The following SLC11A2 variants were observed in gnomAD, a reference collection of about 807,000 sequenced individuals.
The protein encoded by SLC11A2 is solute carrier family 11 member 2, also known as natural resistance-associated macrophage protein 2.
SLC11A2 carries 38 observed loss-of-function variants against 68.0 expected under a neutral mutation model. The ratio of observed to expected loss-of-function variants is 0.56; its 90% CI spans 0.43 to 0.73. The LOEUF (loss-of-function observed/expected upper bound fraction) is 0.73. SLC11A2 is among the 30% of genes least tolerant of loss of function. The probability of loss-of-function intolerance (pLI) is 0.00; values close to 1 mark genes in which losing one functional copy is unlikely to be tolerated. For synonymous variants in SLC11A2, 242 were observed against 250.6 expected, an observed-to-expected ratio of 0.97 and a Z score of 0.32; for missense variants, 517 against 690.5, an observed-to-expected ratio of 0.75 and a Z score of 2.82.
the SLC11A2 span, chr12:50,960,926 T>G: frequency 6.6e-7 from 1 of 1,519,330 alleles, no homozygotes; most frequent in Non-Finnish European, 8.9e-7. Flanking sequence ...ACGATGCTCC[T>G]GCCTCAGCCT....
At chr12:50,988,861 C>G (rs917147489) in intron 15 of SLC11A2, among the ~76,000 whole-genome samples, 16 of 152,014 alleles carry the variant, frequency 1.1e-4, no homozygotes, top group Non-Finnish European at 2.1e-4. Flanking sequence ...TACAGACGCA[C>G]ACCACCATGC....
At chr12:50,979,767 C>A (rs779810921), downstream of SLC11A2, 6 of 436,398 alleles carry the variant, frequency 1.4e-5, no homozygotes, top group Admixed American at 1.5e-4. Flanking sequence ...CGATTATAAA[C>A]GAACATAGGC....
intron 1 of SLC11A2, among the ~76,000 whole-genome samples, chr12:51,022,400 C>A (rs1206543734): frequency 7.5e-5 from 11 of 146,638 alleles, no homozygotes; most frequent in Non-Finnish European, 1.6e-4. Context: ...AGCAAGAAAC[C>A]CAGTCTCCAT....
chr12:50,978,021 T>C (rs1379290019), downstream of SLC11A2, among the ~76,000 whole-genome samples: 3 of 152,188 alleles, frequency 2.0e-5, no homozygotes, highest in East Asian at 5.8e-4. Flanking sequence ...TGCAGAGAAA[T>C]AGGAACTTTT....
chr12:50,953,218 G>C, the SLC11A2 span, among the ~76,000 whole-genome samples: 1 of 152,170 alleles, frequency 6.6e-6, no homozygotes, highest in Non-Finnish European at 1.5e-5. Flanking sequence ...CTTGCTGAAG[G>C]AACAACAGGA....
At chr12:50,977,307 A>G (rs1939860964), downstream of SLC11A2, among the ~76,000 whole-genome samples, 1 of 152,228 alleles carries the variant, frequency 6.6e-6, no homozygotes, top group African/African-American at 2.4e-5. Context: ...GATATAGACC[A>G]ATGGAACAGA....
At chr12:51,013,365 G>C (rs1027475735) in intron 1 of SLC11A2, among the ~76,000 whole-genome samples, 4 of 145,778 alleles carry the variant, frequency 2.7e-5, no homozygotes, top group African/African-American at 1.0e-4. Context: ...ATCTCAGCTC[G>C]CTACAACCTC....
the SLC11A2 span, among the ~76,000 whole-genome samples, chr12:50,962,528 T>C: frequency 0.18 from 27,795 of 151,348 alleles, 2,901 homozygotes; most frequent in East Asian, 0.5. Context: ...GGTGAAACCC[T>C]ATCTCTACTA....
At position 51,008,460 on chromosome 12, in the gene SLC11A2, A is replaced by T; in HGVS notation, c.183+16T>A. 2 of 1,609,888 alleles carry T rather than the reference A, an allele frequency of 1.2e-6. No individual in the cohort carries two copies. Among genetic ancestry groups the T allele is most frequent in the Non-Finnish European group, 1.7e-6 (2 of 1,176,410 alleles). On this transcript the variant is annotated intron_variant, in intron 3 of 15. Coordinates refer to ENST00000262052, the MANE Select transcript of SLC11A2 (RefSeq NM_000617.3). Reference sequence around the variant, plus strand: ...CCCCAGACAATAGTGTTCTCCTCCAAGGACCTGATACTAACCTCCTCCTCA... The same window carrying T: ...CCCCAGACAATAGTGTTCTCCTCCATGGACCTGATACTAACCTCCTCCTCA...
upstream of SLC11A2, among the ~76,000 whole-genome samples, chr12:51,026,762 G>A (rs1011721334): frequency 6.6e-6 from 1 of 152,150 alleles, no homozygotes; most frequent in African/African-American, 2.4e-5. Flanking sequence ...AGGCGCGGAG[G>A]CTCACACTTG....
In SLC11A2 at chr12:50,986,226, T is replaced by C. The variant is rs1940537318; in HGVS notation, c.*2099A>G. ...AAGTACAATTGTATATCCTTAAACA[T>C]TCCACATAAACACACTGTCAAAACT... On this transcript the variant is annotated 3_prime_UTR_variant, in exon 16 of 16. Coordinates refer to ENST00000262052, the MANE Select transcript of SLC11A2 (RefSeq NM_000617.3). 1.6e-6 allele frequency: 2 copies of C among 1,283,260 alleles called. No homozygotes were observed. The highest frequency in any genetic ancestry group is 2.0e-6 in the Non-Finnish European group (2 of 985,052). The allele number at this position is 1,283,260 out of a possible 1,614,324, so 79.5% of individuals were successfully genotyped here.
At chr12:50,999,668 T>C (rs1942031291) in intron 6 of SLC11A2, 2 of 511,082 alleles carry the variant, frequency 3.9e-6, no homozygotes, top group Admixed American at 3.2e-5. Flanking sequence ...GGTCTTACCC[T>C]CATGGAGTTA....
intron 13 of SLC11A2, among the ~76,000 whole-genome samples, 192 bp from the exon 14 acceptor site, chr12:50,991,864 T>A (rs1419670788): frequency 2.6e-5 from 4 of 152,204 alleles, no homozygotes; most frequent in Non-Finnish European, 5.9e-5. Context: ...CATACAAACC[T>A]TTGTATGTGA....
chr12:50,995,220 G>A, intron 10 of SLC11A2: 1 of 263,346 alleles, frequency 3.8e-6, no homozygotes. Flanking sequence ...GCTGAGGCAG[G>A]AGAATCGCTT....
chr12:51,002,941 A>G (rs529726683), intron 5 of SLC11A2, among the ~76,000 whole-genome samples: 1 of 149,520 alleles, frequency 6.7e-6, no homozygotes, highest in African/African-American at 2.5e-5. Context: ...CTCCATCTCA[A>G]AAATACCAAA....
intron 1 of SLC11A2, among the ~76,000 whole-genome samples, chr12:51,013,929 C>T (rs1332480821): frequency 2.0e-5 from 3 of 152,006 alleles, no homozygotes; most frequent in Non-Finnish European, 4.4e-5. Context: ...TCAAGCGATT[C>T]TCCTACCTCA....
In SLC11A2 at chr12:50,986,199, T is replaced by C; in HGVS notation, c.*2126A>G. On this transcript the variant is annotated 3_prime_UTR_variant, in exon 16 of 16. Coordinates refer to ENST00000262052, the MANE Select transcript of SLC11A2 (RefSeq NM_000617.3). Reference sequence around the variant, plus strand: ...TAAGAAGAACAAGAACCAATTTATATAAAGTACAATTGTATATCCTTAAAC... The same window carrying C: ...TAAGAAGAACAAGAACCAATTTATACAAAGTACAATTGTATATCCTTAAAC... 7.8e-7 allele frequency: 1 copy of C among 1,283,738 alleles called. No individual in the cohort carries two copies. The highest frequency in any genetic ancestry group is 1.0e-6 in the Non-Finnish European group (1 of 985,576). The allele number at this position is 1,283,738 out of a possible 1,614,324, so 79.5% of individuals were successfully genotyped here.
At chr12:50,962,878 G>A in the SLC11A2 span, among the ~76,000 whole-genome samples, 1 of 152,088 alleles carries the variant, frequency 6.6e-6, no homozygotes, top group African/African-American at 2.4e-5. Context: ...AAAAAACAAA[G>A]GCACAGAAGC....
At chr12:50,969,994 T>C in the SLC11A2 span, among the ~76,000 whole-genome samples, 2 of 152,108 alleles carry the variant, frequency 1.3e-5, no homozygotes, top group African/African-American at 4.8e-5. Flanking sequence ...GTGGAAGCCA[T>C]ACATATCATC....
Sources: allele counts gnomAD v4.1 joint callset (sites outside exome capture counted in the v4.1 genomes callset), GRCh38; gene constraint gnomAD v4.1.1; transcripts MANE v1.5; gene names NCBI Gene and HGNC (gene_info 2026-07-23, HGNC 2026-07-21).